Variants in AGBL4 observed in about 807,000 individuals in gnomAD.
AGBL4 encodes cytosolic carboxypeptidase 6.
A neutral mutation model predicts 66.4 loss-of-function variants in AGBL4; 58 were observed. That is an observed-to-expected ratio of 0.87 (90% confidence interval 0.71 to 1.09). The LOEUF (loss-of-function observed/expected upper bound fraction) is 1.09, where lower values mean the gene tolerates loss of function less well. Among genes scored for constraint, AGBL4 ranks in the 50% least tolerant of loss-of-function variants. AGBL4 has a pLI of 0.00. For missense variants in AGBL4, 579 were observed against 631.0 expected (o/e 0.92, Z 0.88); for synonymous variants, 234 against 222.9 (o/e 1.05, Z -0.44).
chr1:49,224,010 A>T (rs925765806), intron 4 of AGBL4, among the ~76,000 whole-genome samples: 10 of 152,190 alleles, frequency 6.6e-5, no homozygotes, highest in Non-Finnish European at 1.5e-4. Context: ...TTGGACTTTT[A>T]TGAATTTCAA....
At chr1:49,938,104 C>T (rs1654302584) in intron 1 of AGBL4, among the ~76,000 whole-genome samples, 1 of 149,210 alleles carries the variant, frequency 6.7e-6, no homozygotes, top group African/African-American at 2.5e-5. Flanking sequence ...GCTAGCAAGA[C>T]TAATAAAGAA....
chr1:49,411,788 C>G (rs1456279610), intron 3 of AGBL4, among the ~76,000 whole-genome samples: 1 of 151,996 alleles, frequency 6.6e-6, no homozygotes, highest in Admixed American at 6.5e-5. Context: ...ACCAAATTTG[C>G]TTTTAGAAAG....
Position 49,967,249 on chromosome 1 carries a change from A to G in AGBL4, c.34+56514T>C, listed in dbSNP as rs149659499. On this transcript the variant is annotated intron_variant, in intron 1 of 13. Transcript: ENST00000371839. ...TGTGGTTTTGATTTGCATTTCTCTA[A>G]TGACCAGTGAACCGAAATGTCCATC... Among the ~76,000 whole-genome samples, 883 of 152,290 alleles carry G rather than the reference A, an allele frequency of 5.8e-3. 7 individuals carry two copies. The highest frequency in any genetic ancestry group is 0.017 in the Middle Eastern group (5 of 294).
At chr1:48,790,039 C>T (rs796423778) in intron 6 of AGBL4, among the ~76,000 whole-genome samples, 5 of 152,280 alleles carry the variant, frequency 3.3e-5, no homozygotes, top group African/African-American at 1.2e-4. Context: ...TGCACATTTT[C>T]AAGAAGCTGA....
intron 6 of AGBL4, among the ~76,000 whole-genome samples, chr1:48,803,107 A>G (rs1295532971): frequency 2.4e-4 from 37 of 152,230 alleles, no homozygotes; most frequent in Admixed American, 2.4e-3. Context: ...AATGTGCCCA[A>G]GGTCACATGG....
intron 11 of AGBL4, among the ~76,000 whole-genome samples, chr1:48,560,532 G>C (rs1644381785): frequency 6.6e-6 from 1 of 152,104 alleles, no homozygotes; most frequent in Non-Finnish European, 1.5e-5. Context: ...GAGAAATCTG[G>C]CTCTAGATCA....
intron 9 of AGBL4, among the ~76,000 whole-genome samples, chr1:48,604,694 G>C (rs112272073): frequency 5.3e-5 from 8 of 151,976 alleles, no homozygotes; most frequent in Admixed American, 1.3e-4. Context: ...GGATACTGGC[G>C]GGCTTTTCTG....
intron 4 of AGBL4, among the ~76,000 whole-genome samples, chr1:49,109,809 T>C (rs1645369768): frequency 6.6e-6 from 1 of 152,192 alleles, no homozygotes; most frequent in Non-Finnish European, 1.5e-5. Flanking sequence ...GACTTCTATA[T>C]TCATGCATCA....
intron 1 of AGBL4, among the ~76,000 whole-genome samples, chr1:49,892,321 T>C (rs988533910): frequency 2.0e-5 from 3 of 152,236 alleles, no homozygotes; most frequent in Non-Finnish European, 2.9e-5. Flanking sequence ...AAAAAAAGTA[T>C]ATTGATAAGC....
intron 11 of AGBL4, among the ~76,000 whole-genome samples, chr1:48,559,872 A>G (rs1644371445): frequency 6.6e-6 from 1 of 151,854 alleles, no homozygotes; most frequent in Non-Finnish European, 1.5e-5. Context: ...GCAGCTTGGT[A>G]TCCCTGTTGC....
chr1:48,979,327 C>T (rs146561266), intron 5 of AGBL4, among the ~76,000 whole-genome samples: 14 of 152,142 alleles, frequency 9.2e-5, no homozygotes, highest in African/African-American at 3.4e-4. Context: ...ATATGTATCA[C>T]GTGCCTGCTA....
chr1:49,403,467 T>G (rs1394034475), intron 3 of AGBL4, among the ~76,000 whole-genome samples: 1 of 152,220 alleles, frequency 6.6e-6, no homozygotes. Context: ...TCTGTTAAAT[T>G]TATCTGTTAG....
chr1:49,855,045 T>C (rs1488921121), intron 1 of AGBL4, among the ~76,000 whole-genome samples: 1 of 152,138 alleles, frequency 6.6e-6, no homozygotes, highest in Non-Finnish European at 1.5e-5. Flanking sequence ...TAATTGTAAG[T>C]TTCCTAAGGC....
At chr1:49,954,087 A>T (rs1656386955) in intron 1 of AGBL4, among the ~76,000 whole-genome samples, 1 of 151,568 alleles carries the variant, frequency 6.6e-6, no homozygotes, top group Non-Finnish European at 1.5e-5. Context: ...TAGACACAAG[A>T]TCTCACTATG....
At chr1:48,997,693 T>C (rs1020569545) in intron 5 of AGBL4, among the ~76,000 whole-genome samples, 2 of 152,230 alleles carry the variant, frequency 1.3e-5, no homozygotes, top group Non-Finnish European at 2.9e-5. Flanking sequence ...TTAAGCTTTC[T>C]GAGTCTAAAA....
At chr1:48,902,820 C>T (rs1652214128) in intron 5 of AGBL4, among the ~76,000 whole-genome samples, 1 of 152,120 alleles carries the variant, frequency 6.6e-6, no homozygotes, top group South Asian at 2.1e-4. Context: ...CCCTGTCTGG[C>T]CATTTCACTC....
At chr1:49,573,489 T>C (rs1571078956) in intron 3 of AGBL4, among the ~76,000 whole-genome samples, 1 of 152,146 alleles carries the variant, frequency 6.6e-6, no homozygotes, top group African/African-American at 2.4e-5. Flanking sequence ...ATAATACCTT[T>C]GACCATATGT....
chr1:49,788,212 C>T (rs1396979331), intron 2 of AGBL4, among the ~76,000 whole-genome samples: 1 of 152,108 alleles, frequency 6.6e-6, no homozygotes, highest in East Asian at 1.9e-4. Flanking sequence ...CCCCAAGTTA[C>T]AGACACTTGG....
intron 2 of AGBL4, among the ~76,000 whole-genome samples, chr1:49,700,989 T>C (rs548252053): frequency 9.9e-5 from 15 of 152,250 alleles, no homozygotes; most frequent in Non-Finnish European, 1.6e-4. Context: ...TTTGATACTT[T>C]GAAATAGACT....
Sources: gnomAD v4.1 joint callset for allele counts (sites outside exome capture counted in the v4.1 genomes callset) on GRCh38, gnomAD v4.1.1 for gene constraint, MANE v1.5 for transcripts, NCBI Gene and HGNC (gene_info 2026-07-23, HGNC 2026-07-21) for gene names.